Variants in SLC45A2 observed in about 807,000 individuals in gnomAD.
SLC45A2 encodes the protein membrane-associated transporter protein.
SLC45A2 carries 36 observed loss-of-function variants against 45.5 expected under a neutral mutation model. The ratio of observed to expected loss-of-function variants is 0.79; its 90% CI spans 0.61 to 1.04. The LOEUF (loss-of-function observed/expected upper bound fraction) is 1.04, where lower values mean the gene tolerates loss of function less well. Among genes scored for constraint, SLC45A2 ranks in the 50% least tolerant of loss-of-function variants. SLC45A2 has a pLI of 0.00. For synonymous variants in SLC45A2, 306 were observed against 269.3 expected, an observed-to-expected ratio of 1.14 and a Z score of -1.33; for missense variants, 719 against 671.0, an observed-to-expected ratio of 1.07 and a Z score of -0.79.
chr5:33,959,060 CT>C (rs764434300), intron 3 of SLC45A2, among the ~76,000 whole-genome samples: 9 of 152,250 alleles, frequency 5.9e-5, no homozygotes, highest in Middle Eastern at 3.4e-3. Context: ...TATTTGATTA[CT>C]TTTTCCCTTT....
Position 33,983,635 on chromosome 5 carries a change from T to A in SLC45A2, c.385+564A>T, listed in dbSNP as rs115838018. Among the ~76,000 whole-genome samples the A allele has an allele frequency of 5.0e-3, 759 of 152,356 alleles. 4 individuals are homozygous for A. The highest frequency in any genetic ancestry group is 0.018 in the African/African-American group (733 of 41,584). ...GTACTACCATCAATTACTGATTAAT[T>A]GGTAGCTGATTAATGGCTAGAAAAA... On this transcript the variant is annotated intron_variant, in intron 1 of 6. Transcript: ENST00000296589.
At chr5:33,982,496 T>A in intron 1 of SLC45A2, 84 bp from the exon 2 acceptor site, 2 of 1,319,114 alleles carry the variant, frequency 1.5e-6, no homozygotes, top group Non-Finnish European at 2.1e-6. Context: ...CTTCTTGCCA[T>A]AAAATCATCT....
chr5:33,949,478 G>A (rs1188445407), intron 5 of SLC45A2, among the ~76,000 whole-genome samples: 1 of 152,158 alleles, frequency 6.6e-6, no homozygotes, highest in African/African-American at 2.4e-5. Flanking sequence ...ACCCAGAAAT[G>A]AGAAAGTCTG....
chr5:33,967,783 GACACACACACACACACACACACAC>G (rs10529094), intron 2 of SLC45A2, among the ~76,000 whole-genome samples: 8 of 146,902 alleles, frequency 5.4e-5, no homozygotes, highest in African/African-American at 1.5e-4. Context: ...TATTTTGCTA[GACACACACACACACACACACACAC>G]ACACACACAC....
At chr5:33,946,059 T>A (rs973495604) in intron 6 of SLC45A2, 1 of 985,238 alleles carries the variant, frequency 1.0e-6, no homozygotes, top group Non-Finnish European at 1.2e-6. Flanking sequence ...AATAAACAAG[T>A]AAATAACATC....
chr5:33,958,368 AC>A (rs1426948954), intron 3 of SLC45A2, among the ~76,000 whole-genome samples: 3 of 152,146 alleles, frequency 2.0e-5, no homozygotes, highest in Non-Finnish European at 4.4e-5. Context: ...CTTGGCCCTG[AC>A]CCTGGGGAAG....
At chr5:33,956,518 A>G (rs1752281805) in intron 3 of SLC45A2, among the ~76,000 whole-genome samples, 1 of 152,192 alleles carries the variant, frequency 6.6e-6, no homozygotes, top group East Asian at 1.9e-4. Context: ...GATTGATAAT[A>G]TCTACTTACT....
At chr5:33,975,176 T>A (rs1336907906) in intron 2 of SLC45A2, among the ~76,000 whole-genome samples, 1 of 152,222 alleles carries the variant, frequency 6.6e-6, no homozygotes, top group Non-Finnish European at 1.5e-5. Context: ...CGGCTGAGGT[T>A]CGGGGTTCAG....
At position 33,954,358 on chromosome 5, in the gene SLC45A2, T is replaced by A; in HGVS notation, c.1032+3A>T. On this transcript the variant is annotated splice_donor_region_variant and intron_variant, in intron 4 of 6. Transcript: ENST00000296589. Reference sequence around the variant, plus strand: ...TGATTGTGTGCACAGACACGTTCATTACCTGGCCCATGAAATCTGTGAAGA... The same window carrying A: ...TGATTGTGTGCACAGACACGTTCATAACCTGGCCCATGAAATCTGTGAAGA... 6.2e-7 allele frequency: 1 copy of A among 1,614,014 alleles called. No homozygotes were observed. Among genetic ancestry groups the A allele is most frequent in the Non-Finnish European group, 8.5e-7 (1 of 1,179,964 alleles).
chr5:33,955,432 T>G (rs1470597257), intron 3 of SLC45A2, among the ~76,000 whole-genome samples: 2 of 152,206 alleles, frequency 1.3e-5, no homozygotes, highest in African/African-American at 4.8e-5. Context: ...AACTGTGAGA[T>G]AATAAACTGA....
At position 33,966,427 on chromosome 5, in the gene SLC45A2, C is replaced by CTTTTT. The variant is rs367752652; in HGVS notation, c.563-2416_563-2412dup. On this transcript the variant is annotated intron_variant, in intron 2 of 6. Coordinates refer to ENST00000296589, the MANE Select transcript of SLC45A2 (RefSeq NM_016180.5). ...AGCACATAATGGGAGAAGCTACTTT[C>CTTTTT]TTTTTTTTTTTTTTTTTTTTTTTTG... 4.8e-3 allele frequency among the ~76,000 whole-genome samples: 460 copies of CTTTTT among 95,056 alleles called. 3 individuals carry two copies. Among genetic ancestry groups the CTTTTT allele is most frequent in the Non-Finnish European group, 6.0e-3 (307 of 50,854 alleles). The allele number at this position is 95,056 out of a possible 152,430, so 62.4% of individuals were successfully genotyped here. A position where few individuals can be genotyped will look rare whatever the true frequency, so the allele number is the denominator to read the frequency against.
At chr5:33,952,678 T>TG (rs1752147496) in intron 4 of SLC45A2, among the ~76,000 whole-genome samples, 1 of 88,054 alleles carries the variant, frequency 1.1e-5, no homozygotes, top group African/African-American at 3.8e-5. Context: ...GCAAAAGTTT[T>TG]TTTTTTTTTT....
chr5:33,944,685 C>T lies in SLC45A2; in HGVS notation c.1556G>A (p.Cys519Tyr), dbSNP rs765390989. The T allele has an allele frequency of 1.9e-6, 3 of 1,614,226 alleles. No individual in the cohort carries two copies. Among genetic ancestry groups the T allele is most frequent in the Non-Finnish European group, 2.5e-6 (3 of 1,180,040 alleles). ...ITASAVALIG[C>Y]CFVALFVRYV... is the part of the protein sequence containing the mutation. Reference sequence around the variant, plus strand: ...TCTAACAAAGAGAGCGACAAAGCAACAGCCTATCAGTGCCACCGCAGACGC... The same window carrying T: ...TCTAACAAAGAGAGCGACAAAGCAATAGCCTATCAGTGCCACCGCAGACGC... The change falls in exon 7 of 7, where the codon TGT (cysteine) becomes TAT (tyrosine). Residue 519 changes from cysteine to tyrosine, a missense_variant. Cys to Tyr is a radical substitution (Grantham distance 194). Coordinates refer to ENST00000296589, the MANE Select transcript of SLC45A2 (RefSeq NM_016180.5).
rs183189895 is a variant in SLC45A2 at position 33,971,886 on chromosome 5, C to A, written c.563-7870G>T. ...AGGTAATCCACCCACCTTGGCCTCC[C>A]AAAGTACTGGGATTACAGGTGAGAG... On this transcript the variant is annotated intron_variant, in intron 2 of 6. Coordinates refer to ENST00000296589, the MANE Select transcript of SLC45A2 (RefSeq NM_016180.5). 141 of 325,094 alleles carry A rather than the reference C, an allele frequency of 4.3e-4. 2 individuals carry two copies. In the Middle Eastern group the frequency reaches 0.022, roughly 51 times the overall value. 20.1% of individuals were successfully genotyped at this position (325,094 alleles called of 1,614,324 possible).
At chr5:33,945,551 T>G (rs1751894817) in intron 6 of SLC45A2, among the ~76,000 whole-genome samples, 1 of 152,146 alleles carries the variant, frequency 6.6e-6, no homozygotes, top group African/African-American at 2.4e-5. Context: ...GGTTTTTTTT[T>G]TACCTGTTAC....
At chr5:33,968,250 C>A (rs1419046933) in intron 2 of SLC45A2, among the ~76,000 whole-genome samples, 1 of 151,906 alleles carries the variant, frequency 6.6e-6, no homozygotes, top group Non-Finnish European at 1.5e-5. Context: ...CAAAGACAAT[C>A]TCCCCAACAA....
intron 2 of SLC45A2, among the ~76,000 whole-genome samples, chr5:33,979,906 A>C (rs1753027376): frequency 6.6e-6 from 1 of 152,184 alleles, no homozygotes; most frequent in Non-Finnish European, 1.5e-5. Context: ...TGGCCTTGGA[A>C]AAGTTTCCCT....
chr5:33,971,656 C>T (rs1752780975), intron 2 of SLC45A2, among the ~76,000 whole-genome samples: 1 of 152,078 alleles, frequency 6.6e-6, no homozygotes, highest in Non-Finnish European at 1.5e-5. Context: ...GAGACGGAGT[C>T]TCATCTGTTG....
chr5:33,968,900 C>T (rs978507346), intron 2 of SLC45A2, among the ~76,000 whole-genome samples: 26 of 152,230 alleles, frequency 1.7e-4, no homozygotes, highest in Admixed American at 1.1e-3. Context: ...TCCCATCTTC[C>T]CATGGGGTTC....
Sources: gnomAD v4.1 joint callset for allele counts (sites outside exome capture counted in the v4.1 genomes callset) on GRCh38, gnomAD v4.1.1 for gene constraint, MANE v1.5 for transcripts, NCBI Gene and HGNC (gene_info 2026-07-23, HGNC 2026-07-21) for gene names.